PELI2: variants seen among roughly 807,000 people sequenced by gnomAD.
The protein encoded by PELI2 is E3 ubiquitin-protein ligase pellino homolog 2.
PELI2 carries 23 observed loss-of-function variants against 42.3 expected under a neutral mutation model. The ratio of observed to expected loss-of-function variants is 0.54; its 90% CI spans 0.39 to 0.77. The LOEUF (loss-of-function observed/expected upper bound fraction) is 0.77. Ranked by LOEUF, PELI2 falls within the 30% of genes least tolerant of loss-of-function variation. The pLI is 0.00. For synonymous variants in PELI2, 245 were observed against 212.2 expected (o/e 1.15, Z -1.34); for missense variants, 463 against 553.2 (o/e 0.84, Z 1.64).
At chr14:56,284,541 TGTTTG>T (rs1002036055) in intron 3 of PELI2, among the ~76,000 whole-genome samples, 7 of 152,224 alleles carry the variant, frequency 4.6e-5, no homozygotes, top group Admixed American at 2.0e-4. Flanking sequence ...TTTGGTTTTT[TGTTTG>T]GTTTGGTTTG....
intron 5 of PELI2, among the ~76,000 whole-genome samples, chr14:56,290,885 CT>C (rs1889805944): frequency 6.6e-6 from 1 of 152,188 alleles, no homozygotes; most frequent in African/African-American, 2.4e-5. Context: ...AATAAGTCAG[CT>C]GGTTTTCCCT....
At chr14:56,250,731 T>C (rs926424241) in intron 2 of PELI2, among the ~76,000 whole-genome samples, 4 of 152,140 alleles carry the variant, frequency 2.6e-5, no homozygotes, top group African/African-American at 9.7e-5. Flanking sequence ...CCCATCCAGA[T>C]TGAGAGTGGG....
At position 56,277,927 on chromosome 14, in the gene PELI2, C is replaced by T. The variant is rs562336084; in HGVS notation, c.208-1749C>T. On this transcript the variant is annotated intron_variant, in intron 2 of 5. Coordinates refer to ENST00000267460, the MANE Select transcript of PELI2 (RefSeq NM_021255.3). ...AAGTTTGAGAAACACCATACTTAAG[C>T]AGGTGCCATTGTACAAAAATGTATA... is the stretch of plus-strand genomic sequence containing the variant. Among the ~76,000 whole-genome samples, 13 of 152,260 alleles carry T rather than the reference C, an allele frequency of 8.5e-5. No individual in the cohort carries two copies. In the South Asian group the frequency reaches 2.7e-3, roughly 32 times the overall value.
intron 1 of PELI2, among the ~76,000 whole-genome samples, chr14:56,147,130 A>G (rs1257884655): frequency 1.3e-5 from 2 of 152,180 alleles, no homozygotes; most frequent in Non-Finnish European, 2.9e-5. Flanking sequence ...ATGTATCAGT[A>G]CTTCTTTTTA....
chr14:56,178,678 C>T (rs1885473188), intron 2 of PELI2, among the ~76,000 whole-genome samples: 1 of 152,170 alleles, frequency 6.6e-6, no homozygotes, highest in South Asian at 2.1e-4. Context: ...CAGTAGCACC[C>T]CCGCATTCTT....
chr14:56,142,474 G>A lies in PELI2; in HGVS notation c.77+23737G>A, dbSNP rs1399025764. ...AGTAGTATCCCTAACCTAGAACCTGGCAGAGGTCTAGAATATTGTGGGGGC... is the reference window on the plus strand; with the variant it reads ...AGTAGTATCCCTAACCTAGAACCTGACAGAGGTCTAGAATATTGTGGGGGC... On this transcript the variant is annotated intron_variant, in intron 1 of 5. Coordinates refer to ENST00000267460, the MANE Select transcript of PELI2 (RefSeq NM_021255.3). Among the ~76,000 whole-genome samples, 3 of 152,198 alleles carry A rather than the reference G, an allele frequency of 2.0e-5. No individual in the cohort carries two copies. In the East Asian group the frequency reaches 5.8e-4, roughly 29 times the overall value.
rs531141310 is a variant in PELI2, at chr14:56,261,364, T to G, written c.208-18312T>G. 2.2e-3 allele frequency among the ~76,000 whole-genome samples: 338 copies of G among 152,272 alleles called. 1 individual carries two copies. Among genetic ancestry groups the G allele is most frequent in the Non-Finnish European group, 3.8e-3 (256 of 68,018 alleles). On this transcript the variant is annotated intron_variant, in intron 2 of 5. Coordinates refer to ENST00000267460, the MANE Select transcript of PELI2 (RefSeq NM_021255.3). Reference sequence around the variant, plus strand: ...TGAGTTCATTCTTACAAATTCGATTTGCACAGTACCATTCTTTACTGGTTC... The same window carrying G: ...TGAGTTCATTCTTACAAATTCGATTGGCACAGTACCATTCTTTACTGGTTC...
chr14:56,120,831 G>A (rs1468575881), intron 1 of PELI2, among the ~76,000 whole-genome samples: 1 of 152,188 alleles, frequency 6.6e-6, no homozygotes, highest in Non-Finnish European at 1.5e-5. Context: ...GAAGGTGAGG[G>A]AAGTTCTCTC....
intron 2 of PELI2, among the ~76,000 whole-genome samples, chr14:56,191,959 A>C (rs1249961320): frequency 6.6e-6 from 1 of 152,034 alleles, no homozygotes; most frequent in East Asian, 1.9e-4. Context: ...GGGTCAAGTG[A>C]TTCTTCTGCC....
chr14:56,184,474 T>C (rs1235177630), intron 2 of PELI2, among the ~76,000 whole-genome samples: 1 of 152,118 alleles, frequency 6.6e-6, no homozygotes, highest in African/African-American at 2.4e-5. Context: ...ACAATTAAAT[T>C]TTAATAACAT....
intron 1 of PELI2, chr14:56,119,975 T>G (rs745955945): frequency 3.2e-6 from 1 of 312,244 alleles, no homozygotes. Flanking sequence ...AAAAATAATT[T>G]AAAGAGAGGA....
intron 2 of PELI2, among the ~76,000 whole-genome samples, chr14:56,189,710 C>G (rs951678362): frequency 2.0e-5 from 3 of 152,146 alleles, no homozygotes; most frequent in African/African-American, 7.2e-5. Context: ...TACTTATTGG[C>G]AGTTTAATTA....
intron 2 of PELI2, among the ~76,000 whole-genome samples, chr14:56,256,446 T>C (rs1050241044): frequency 9.9e-5 from 15 of 151,488 alleles, no homozygotes; most frequent in African/African-American, 3.4e-4. Flanking sequence ...ATCGAGACCC[T>C]GTCTCAAAAA....
intron 2 of PELI2, among the ~76,000 whole-genome samples, chr14:56,277,088 T>C (rs1889320613): frequency 3.3e-5 from 5 of 152,132 alleles, no homozygotes; most frequent in Admixed American, 3.3e-4. Context: ...TTGCAGCCTA[T>C]AAAATGGCTG....
chr14:56,141,477 T>C (rs933497461), intron 1 of PELI2, among the ~76,000 whole-genome samples: 2 of 152,206 alleles, frequency 1.3e-5, no homozygotes, highest in Admixed American at 1.3e-4. Flanking sequence ...TTTTAGGAGA[T>C]AACTTATTTC....
In PELI2 at chr14:56,142,054, G is replaced by A. The variant is rs537992704; in HGVS notation, c.77+23317G>A. Among the ~76,000 whole-genome samples, 3 of 152,222 alleles carry A rather than the reference G, an allele frequency of 2.0e-5. No homozygotes were observed. The East Asian group carries it at 5.8e-4, about 29-fold the overall frequency. ...TGGTCTCTAAGTTACTGTGATTTGA[G>A]TCTGCCTATCCCCCTTGGAAATAAG... On this transcript the variant is annotated intron_variant, in intron 1 of 5. Coordinates refer to ENST00000267460, the MANE Select transcript of PELI2 (RefSeq NM_021255.3).
rs1886187663 is a variant in PELI2, at chr14:56,197,949, C to CAGG, written c.207+19486_207+19488dup. 7.8e-6 allele frequency among the ~76,000 whole-genome samples: 1 copy of CAGG among 127,430 alleles called. No homozygotes were observed. Among genetic ancestry groups the CAGG allele is most frequent in the Non-Finnish European group, 1.6e-5 (1 of 60,658 alleles). 83.6% of individuals were successfully genotyped at this position (127,430 alleles called of 152,430 possible). ...CACACACACACACACACACACACAC[C>CAGG]AGGGATCATGACTGGTGAAGACACA... is the stretch of plus-strand genomic sequence containing the variant. On this transcript the variant is annotated intron_variant, in intron 2 of 5. Transcript: ENST00000267460. This position sits in a 1 kb window ranked among gnomAD's most constrained non-coding sequence, Gnocchi z 4.9.
At chr14:56,179,554 G>GATT (rs1273207541) in intron 2 of PELI2, among the ~76,000 whole-genome samples, 1 of 152,142 alleles carries the variant, frequency 6.6e-6, no homozygotes, top group African/African-American at 2.4e-5. Flanking sequence ...AAACAAGAAA[G>GATT]ATTAATATTT....
At chr14:56,279,841 T>C (rs959512313) in intron 3 of PELI2, 64 bp downstream of exon 3, 2 of 786,738 alleles carry the variant, frequency 2.5e-6, no homozygotes, top group East Asian at 2.6e-5. Flanking sequence ...ATTTTTTATA[T>C]GTAATCAGAT....
Sources: allele counts gnomAD v4.1 joint callset (sites outside exome capture counted in the v4.1 genomes callset), GRCh38; gene constraint gnomAD v4.1.1; non-coding constraint Gnocchi (gnomAD v3.1); transcripts MANE v1.5; gene names NCBI Gene and HGNC (gene_info 2026-07-23, HGNC 2026-07-21).